The following CCDC83 variants were observed in gnomAD, a reference collection of about 807,000 sequenced individuals.
The protein encoded by CCDC83 is coiled-coil domain-containing protein 83.
In CCDC83, 54 loss-of-function variants were observed where a neutral mutation model predicts 50.1. The ratio of observed to expected loss-of-function variants is 1.08; its 90% confidence interval spans 0.87 to 1.35. The LOEUF (loss-of-function observed/expected upper bound fraction) is 1.35. Ranked by LOEUF, CCDC83 falls within the 40% of genes most tolerant of loss-of-function variation. CCDC83 has a pLI of 0.00. For synonymous variants in CCDC83, 161 were observed against 153.3 expected, an observed-to-expected ratio of 1.05 and a Z score of -0.37; for missense variants, 518 against 473.9, an observed-to-expected ratio of 1.09 and a Z score of -0.86.
At chr11:85,864,288 A>T (rs1325817962) in intron 1 of CCDC83, among the ~76,000 whole-genome samples, 1 of 152,230 alleles carries the variant, frequency 6.6e-6, no homozygotes, top group Non-Finnish European at 1.5e-5. Context: ...CTACTGATAC[A>T]TTTATTTAAG....
chr11:85,912,844 C>T (rs937818875), intron 8 of CCDC83: 11 of 752,232 alleles, frequency 1.5e-5, no homozygotes, highest in East Asian at 1.2e-4. Flanking sequence ...CTGCCAGACC[C>T]GTGTCTCTAC....
At chr11:85,911,442 T>C (rs2093453756) in intron 8 of CCDC83, 40 bp downstream of exon 8, 2 of 1,486,810 alleles carry the variant, frequency 1.3e-6, no homozygotes, top group East Asian at 4.9e-5. Context: ...TTGTAAACAT[T>C]TGTATCTGCT....
chr11:85,886,724 G>C (rs1304639858), intron 5 of CCDC83, among the ~76,000 whole-genome samples: 1 of 152,138 alleles, frequency 6.6e-6, no homozygotes, highest in Non-Finnish European at 1.5e-5. Context: ...ACCAGCCTGG[G>C]CAACACAGTG....
intron 2 of CCDC83, among the ~76,000 whole-genome samples, chr11:85,872,979 C>A (rs1439889246): frequency 6.7e-6 from 1 of 149,722 alleles, no homozygotes; most frequent in African/African-American, 2.4e-5. Context: ...GACTATAAAA[C>A]ATGAACAGGG....
intron 5 of CCDC83, among the ~76,000 whole-genome samples, chr11:85,888,581 G>C (rs926690948): frequency 1.2e-4 from 18 of 152,024 alleles, no homozygotes; most frequent in African/African-American, 4.3e-4. Context: ...TTTTTTGTTT[G>C]TGGGTTTTTT....
intron 7 of CCDC83, among the ~76,000 whole-genome samples, chr11:85,902,164 G>A (rs2093405542): frequency 4.0e-5 from 6 of 151,510 alleles, no homozygotes; most frequent in Admixed American, 3.9e-4. Flanking sequence ...AAAAGATTCT[G>A]GCAGAAGCAG....
intron 10 of CCDC83, among the ~76,000 whole-genome samples, chr11:85,917,679 C>A (rs1010402884): frequency 6.6e-6 from 1 of 152,150 alleles, no homozygotes; most frequent in East Asian, 1.9e-4. Context: ...TGTAAGAAAG[C>A]AGAAGAAACT....
Position 85,898,989 on chromosome 11 carries a change from T to A in CCDC83, c.646T>A (p.Trp216Arg). Residue 216 changes from tryptophan to arginine, a missense_variant, in exon 7 of 11, where the codon TGG becomes AGG. Coordinates refer to ENST00000342404, the MANE Select transcript of CCDC83 (RefSeq NM_001286159.2). ...LIDKGSYLEIWENDWLKKEVA... is the reference protein window; with the variant it reads ...LIDKGSYLEIRENDWLKKEVA... ...TGACAAGGGCAGTTATCTAGAGATCTGGGAGAATGACTGGCTCAAAAAAGA... is the reference window on the plus strand; with the variant it reads ...TGACAAGGGCAGTTATCTAGAGATCAGGGAGAATGACTGGCTCAAAAAAGA... The A allele has an allele frequency of 6.2e-7, 1 of 1,612,006 alleles. No individual in the cohort carries two copies. The highest frequency in any genetic ancestry group is 8.5e-7 in the Non-Finnish European group (1 of 1,178,632).
chr11:85,862,611 G>A (rs768453505), intron 1 of CCDC83, among the ~76,000 whole-genome samples: 2 of 152,102 alleles, frequency 1.3e-5, no homozygotes, highest in African/African-American at 2.4e-5. Context: ...CAGATTCGAC[G>A]TCTATTTGTC....
intron 5 of CCDC83, among the ~76,000 whole-genome samples, chr11:85,887,568 CAA>C (rs2093332956): frequency 6.6e-6 from 1 of 152,144 alleles, no homozygotes; most frequent in Non-Finnish European, 1.5e-5. Context: ...GAAAAGAGAA[CAA>C]GAGTGCCAGC....
At chr11:85,860,229 G>A (rs1007189427) in intron 1 of CCDC83, among the ~76,000 whole-genome samples, 2 of 150,302 alleles carry the variant, frequency 1.3e-5, no homozygotes, top group Admixed American at 6.7e-5. Context: ...TTGAACCCTG[G>A]AGGCAAAGGT....
intron 7 of CCDC83, among the ~76,000 whole-genome samples, chr11:85,906,277 G>C (rs1056375332): frequency 6.6e-6 from 1 of 151,966 alleles, no homozygotes; most frequent in Non-Finnish European, 1.5e-5. Flanking sequence ...ATGTTGGTCA[G>C]GCTAGTCTCA....
intron 2 of CCDC83, among the ~76,000 whole-genome samples, chr11:85,865,689 A>G (rs1464865907): frequency 2.0e-5 from 3 of 152,118 alleles, no homozygotes; most frequent in African/African-American, 7.2e-5. Context: ...GGAGTTCGAG[A>G]CCAGCCTGAC....
intron 2 of CCDC83, among the ~76,000 whole-genome samples, chr11:85,866,665 A>C (rs985197404): frequency 9.2e-5 from 10 of 108,672 alleles, no homozygotes; most frequent in Admixed American, 1.8e-4. Flanking sequence ...AAAAAACAAA[A>C]CAAAAAAAAA....
In CCDC83 at chr11:85,865,223, GT is replaced by G. The variant is rs1566068748; in HGVS notation, c.95+10del. ...TGAAGCACTTCTAGACTATCAGTAAGTTTTTATTCTGAAATCTGAAAGTTGC... is the reference window on the plus strand; with the variant it reads ...TGAAGCACTTCTAGACTATCAGTAAGTTTTATTCTGAAATCTGAAAGTTGC... On this transcript the variant is annotated splice_donor_region_variant and intron_variant, in intron 2 of 10. Coordinates refer to ENST00000342404, the MANE Select transcript of CCDC83 (RefSeq NM_001286159.2). The G allele has an allele frequency of 6.4e-7, 1 of 1,552,074 alleles. No homozygotes were observed. Among genetic ancestry groups the G allele is most frequent in the Non-Finnish European group, 8.9e-7 (1 of 1,124,856 alleles).
intron 10 of CCDC83, chr11:85,918,108 T>C (rs969478031): frequency 8.5e-5 from 13 of 152,342 alleles, no homozygotes; most frequent in South Asian, 2.1e-4. Flanking sequence ...CCTTCCTTTT[T>C]CATTCTTTGA....
intron 2 of CCDC83, among the ~76,000 whole-genome samples, chr11:85,872,145 G>A (rs905141153): frequency 6.6e-6 from 1 of 152,038 alleles, no homozygotes; most frequent in Non-Finnish European, 1.5e-5. Context: ...TAGGGACAGG[G>A]TTTTGCCATG....
intron 10 of CCDC83, among the ~76,000 whole-genome samples, chr11:85,918,425 C>T (rs897278645): frequency 6.6e-6 from 1 of 152,136 alleles, no homozygotes; most frequent in South Asian, 2.1e-4. Context: ...GCTAAAGTGA[C>T]GTGTCAAAGG....
chr11:85,908,036 T>C (rs2093433336), intron 7 of CCDC83, among the ~76,000 whole-genome samples: 2 of 152,262 alleles, frequency 1.3e-5, no homozygotes, highest in East Asian at 3.9e-4. Context: ...TAATTATCTC[T>C]CAACATATGA....
Sources: gnomAD v4.1 joint callset for allele counts (sites outside exome capture counted in the v4.1 genomes callset) on GRCh38, gnomAD v4.1.1 for gene constraint, MANE v1.5 for transcripts, NCBI Gene and HGNC (gene_info 2026-07-23, HGNC 2026-07-21) for gene names.